The following CSMD1 variants were observed in gnomAD, a reference collection of about 807,000 sequenced individuals.
CSMD1 encodes CUB and sushi domain-containing protein 1.
In CSMD1, 213 loss-of-function variants were observed where a neutral mutation model predicts 417.5. The ratio of observed to expected loss-of-function variants is 0.51; its 90% CI spans 0.46 to 0.57. CSMD1 has a LOEUF of 0.57. CSMD1 is among the 20% of genes least tolerant of loss of function. The pLI, the probability that CSMD1 is intolerant of heterozygous loss-of-function variation, is 0.00. For missense variants in CSMD1, 6,923 were observed against 4,529.7 expected, an observed-to-expected ratio of 1.53 and a Z score of -15.17; for synonymous variants, 2,862 against 1,736.8, an observed-to-expected ratio of 1.65 and a Z score of -16.11.
chr8:2,979,071 C>G (rs1805183359), intron 54 of CSMD1, among the ~76,000 whole-genome samples: 1 of 152,280 alleles, frequency 6.6e-6, no homozygotes, highest in East Asian at 1.9e-4. Flanking sequence ...AACGTAAATT[C>G]TGAAGTTAGT....
At chr8:4,302,984 A>T (rs13262226) in intron 3 of CSMD1, among the ~76,000 whole-genome samples, 2 of 152,046 alleles carry the variant, frequency 1.3e-5, no homozygotes. Flanking sequence ...AGCCCTCTGT[A>T]TATCAAATAG....
chr8:3,691,931 T>C (rs1243599767), intron 7 of CSMD1, among the ~76,000 whole-genome samples: 2 of 152,190 alleles, frequency 1.3e-5, no homozygotes, highest in Non-Finnish European at 2.9e-5. Context: ...CACACTCCAA[T>C]ATTATTTTAA....
chr8:4,932,208 C>T (rs939889615), intron 1 of CSMD1, among the ~76,000 whole-genome samples: 2 of 151,428 alleles, frequency 1.3e-5, no homozygotes, highest in African/African-American at 2.4e-5. Context: ...TTTGAATTTG[C>T]TCCCTTCATT....
chr8:3,647,490 G>C (rs1324920872), intron 7 of CSMD1, among the ~76,000 whole-genome samples: 1 of 152,068 alleles, frequency 6.6e-6, no homozygotes, highest in African/African-American at 2.4e-5. Flanking sequence ...AAGAAATATA[G>C]CACAGAGAGA....
chr8:3,859,646 T>G (rs1388335067), intron 5 of CSMD1, among the ~76,000 whole-genome samples: 1 of 152,164 alleles, frequency 6.6e-6, no homozygotes, highest in African/African-American at 2.4e-5. Flanking sequence ...TCAGTTGACC[T>G]GAAGAGTGAG....
At chr8:4,518,174 G>A (rs1803226784) in intron 2 of CSMD1, among the ~76,000 whole-genome samples, 2 of 152,110 alleles carry the variant, frequency 1.3e-5, no homozygotes, top group African/African-American at 2.4e-5. Context: ...GACAGAGTAT[G>A]GCACGAATGA....
intron 1 of CSMD1, among the ~76,000 whole-genome samples, chr8:4,813,511 C>G (rs964119105): frequency 6.6e-5 from 10 of 152,150 alleles, no homozygotes; most frequent in Non-Finnish European, 1.3e-4. Flanking sequence ...GCTTTTTATC[C>G]TAAGCATAAT....
chr8:4,049,397 G>T (rs528581507), intron 3 of CSMD1, among the ~76,000 whole-genome samples: 3 of 151,318 alleles, frequency 2.0e-5, no homozygotes, highest in African/African-American at 7.3e-5. Context: ...ATTGCCAAAC[G>T]TCATCTGCGG....
rs930083088 is a variant in CSMD1, at chr8:4,771,897, C to G, written c.86-134339G>C. Among the ~76,000 whole-genome samples the G allele has an allele frequency of 5.3e-5, 8 of 152,284 alleles. No individual in the cohort carries two copies. The East Asian group carries it at 1.5e-3, about 29-fold the overall frequency. On this transcript the variant is annotated intron_variant, in intron 1 of 69. Coordinates refer to ENST00000635120, the MANE Select transcript of CSMD1 (RefSeq NM_033225.6). Reference sequence around the variant, plus strand: ...AAAGCGGTGGGCATGAAGGGAGCCTCCAGAATCTGCCCCTCGGCTGCTACT... The same window carrying G: ...AAAGCGGTGGGCATGAAGGGAGCCTGCAGAATCTGCCCCTCGGCTGCTACT...
At chr8:4,390,487 A>G (rs1803768589) in intron 3 of CSMD1, among the ~76,000 whole-genome samples, 1 of 52,464 alleles carries the variant, frequency 1.9e-5, no homozygotes, top group Admixed American at 1.6e-4. Flanking sequence ...TTACCCACAG[A>G]AGCGTCCATT....
intron 1 of CSMD1, among the ~76,000 whole-genome samples, chr8:4,858,325 A>C (rs1801926852): frequency 1.3e-5 from 2 of 151,674 alleles, no homozygotes; most frequent in Non-Finnish European, 2.9e-5. Flanking sequence ...ATGGGCAAAA[A>C]CTGGAAGCAT....
At chr8:3,530,008 T>C (rs756425101) in intron 10 of CSMD1, among the ~76,000 whole-genome samples, 21 of 146,710 alleles carry the variant, frequency 1.4e-4, no homozygotes, top group Non-Finnish European at 2.6e-4. Context: ...GACAATTTAA[T>C]TTTATCAGTG....
At chr8:3,358,547 C>T (rs1043630771) in intron 21 of CSMD1, among the ~76,000 whole-genome samples, 2 of 152,178 alleles carry the variant, frequency 1.3e-5, no homozygotes, top group Non-Finnish European at 2.9e-5. Context: ...CCAATTCCTG[C>T]ATGTGAGCCT....
At chr8:3,540,269 C>A (rs548753068) in intron 10 of CSMD1, among the ~76,000 whole-genome samples, 2 of 152,198 alleles carry the variant, frequency 1.3e-5, no homozygotes, top group South Asian at 2.1e-4. Context: ...GCAAAACAAC[C>A]TCCTCATTTG....
chr8:4,580,825 T>C (rs1479025783), intron 2 of CSMD1, among the ~76,000 whole-genome samples: 4 of 152,238 alleles, frequency 2.6e-5, no homozygotes, highest in African/African-American at 7.2e-5. Flanking sequence ...TTGTATCTTG[T>C]ACATACTGCC....
intron 5 of CSMD1, among the ~76,000 whole-genome samples, chr8:3,919,393 C>T (rs996046372): frequency 1.3e-5 from 2 of 152,062 alleles, no homozygotes; most frequent in Non-Finnish European, 2.9e-5. Flanking sequence ...TGAAGAGACT[C>T]TCTTTTCCCC....
intron 2 of CSMD1, among the ~76,000 whole-genome samples, chr8:4,550,059 G>C (rs1405581900): frequency 1.3e-5 from 2 of 151,976 alleles, no homozygotes; most frequent in Non-Finnish European, 2.9e-5. Context: ...GTCATCCTCA[G>C]AATTGGAACA....
chr8:3,901,806 G>C (rs994610365), intron 5 of CSMD1, among the ~76,000 whole-genome samples: 1 of 152,094 alleles, frequency 6.6e-6, no homozygotes, highest in Non-Finnish European at 1.5e-5. Context: ...AAGCTCTTGG[G>C]GTGTTCACAA....
At position 3,087,178 on chromosome 8, in the gene CSMD1, T is replaced by C; in HGVS notation, c.7393A>G (p.Met2465Val). ...VHYFCKPGYR[M>V]VGHSNATCRR... ...CAGGTTGCATTGCTGTGGCCGACCA[T>C]TCGGTATCCAGGCTTGCAAAAATAA... is the stretch of plus-strand genomic sequence containing the variant. The change falls in exon 49 of 70, where the codon ATG becomes GTG. Residue 2465 changes from methionine to valine, a missense_variant. Physicochemically the swap from Met to Val is conservative, Grantham distance 21. Coordinates refer to ENST00000635120, the MANE Select transcript of CSMD1 (RefSeq NM_033225.6). The C allele has an allele frequency of 6.2e-7, 1 of 1,613,950 alleles. No individual in the cohort carries two copies. Among genetic ancestry groups the C allele is most frequent in the Non-Finnish European group, 8.5e-7 (1 of 1,179,904 alleles).
Sources: allele counts gnomAD v4.1 joint callset (sites outside exome capture counted in the v4.1 genomes callset), GRCh38; gene constraint gnomAD v4.1.1; transcripts MANE v1.5; gene names NCBI Gene and HGNC (gene_info 2026-07-23, HGNC 2026-07-21).